Variants in STPG2 observed in about 807,000 individuals in gnomAD.
The protein encoded by STPG2 is sperm tail PG-rich repeat containing 2, also known as sperm-tail PG-rich repeat-containing protein 2.
Under a neutral mutation model 54.2 loss-of-function variants are expected in STPG2, and 56 were observed. The observed-to-expected ratio is 1.03, with a 90% CI of 0.83 to 1.29. STPG2 has a LOEUF of 1.29. Among genes scored for constraint, STPG2 ranks in the 50% most tolerant of loss-of-function variants. The pLI is 0.00. For missense variants in STPG2, 596 were observed against 544.9 expected (o/e 1.09, Z -0.93); for synonymous variants, 200 against 181.8 (o/e 1.10, Z -0.81).
At chr4:97,934,583 T>G (rs1296299485) in intron 8 of STPG2, among the ~76,000 whole-genome samples, 1 of 152,202 alleles carries the variant, frequency 6.6e-6, no homozygotes, top group Non-Finnish European at 1.5e-5. Context: ...ATGTTGAATT[T>G]TATCGAAGGC....
intron 9 of STPG2, among the ~76,000 whole-genome samples, chr4:97,830,408 C>A (rs920145837): frequency 1.3e-5 from 2 of 152,096 alleles, no homozygotes; most frequent in African/African-American, 4.8e-5. Context: ...CAGTACCAAC[C>A]ACTGCAAAAA....
intron 10 of STPG2, among the ~76,000 whole-genome samples, chr4:97,619,975 C>T: frequency 6.6e-6 from 1 of 152,126 alleles, no homozygotes; most frequent in Non-Finnish European, 1.5e-5. Flanking sequence ...AGGCACCCAC[C>T]ATCATGCCTG....
rs774952435 is a variant in STPG2 at position 97,827,939 on chromosome 4, A to C, written c.1204+12834T>G. Among the ~76,000 whole-genome samples the C allele has an allele frequency of 9.0e-4, 137 of 152,130 alleles. 2 individuals carry two copies. Among genetic ancestry groups the C allele is most frequent in the Non-Finnish European group, 8.8e-4 (60 of 68,016 alleles). ...TATCCTGGGACCTCAAGAGGAGAGG[A>C]ATTTACCTAACTTATAGGTATTTAA... On this transcript the variant is annotated intron_variant, in intron 9 of 10. Coordinates refer to ENST00000295268, the MANE Select transcript of STPG2 (RefSeq NM_174952.3).
At chr4:97,847,415 G>C (rs1250991952) in intron 8 of STPG2, among the ~76,000 whole-genome samples, 1 of 152,080 alleles carries the variant, frequency 6.6e-6, no homozygotes, top group Non-Finnish European at 1.5e-5. Context: ...AGTATTAATT[G>C]TAAGTAGTAT....
intron 9 of STPG2, among the ~76,000 whole-genome samples, chr4:97,725,722 G>T (rs1222474096): frequency 1.3e-5 from 2 of 150,966 alleles, no homozygotes; most frequent in Non-Finnish European, 3.0e-5. Flanking sequence ...TTAAAATGCT[G>T]AAAACAAATT....
In STPG2 at chr4:98,035,342, G is replaced by A. The variant is rs116727868; in HGVS notation, c.613-54024C>T. On this transcript the variant is annotated intron_variant, in intron 5 of 10. Coordinates refer to ENST00000295268, the MANE Select transcript of STPG2 (RefSeq NM_174952.3). Reference sequence around the variant, plus strand: ...ACATTTATGCGGCCAACAAACATAGGGAAAAAAAGCTCATTATCACTGGTC... The same window carrying A: ...ACATTTATGCGGCCAACAAACATAGAGAAAAAAAGCTCATTATCACTGGTC... Among the ~76,000 whole-genome samples, 794 of 151,988 alleles carry A rather than the reference G, an allele frequency of 5.2e-3. 10 individuals are homozygous for A. The highest frequency in any genetic ancestry group is 0.018 in the African/African-American group (761 of 41,446).
At chr4:98,089,844 C>A (rs1173281597) in intron 5 of STPG2, among the ~76,000 whole-genome samples, 1 of 151,458 alleles carries the variant, frequency 6.6e-6, no homozygotes, top group Non-Finnish European at 1.5e-5. Flanking sequence ...ATTTGTCTAT[C>A]TTCTTTTGAT....
At chr4:97,901,555 C>A (rs1411648272) in intron 8 of STPG2, among the ~76,000 whole-genome samples, 2 of 151,760 alleles carry the variant, frequency 1.3e-5, no homozygotes, top group Non-Finnish European at 2.9e-5. Flanking sequence ...TTGTTAAAGA[C>A]ATTAAGAAAA....
chr4:97,540,409 C>T (rs1731665757), intron 4 of STPG2, among the ~76,000 whole-genome samples: 1 of 152,128 alleles, frequency 6.6e-6, no homozygotes, highest in Non-Finnish European at 1.5e-5. Flanking sequence ...CATACACCCT[C>T]CCAAGACTAA....
intron 9 of STPG2, among the ~76,000 whole-genome samples, chr4:97,753,562 T>G (rs1488253562): frequency 6.6e-6 from 1 of 152,058 alleles, no homozygotes; most frequent in Admixed American, 6.6e-5. Flanking sequence ...TGCTTTCAAT[T>G]TTATTGGATA....
intron 10 of STPG2, among the ~76,000 whole-genome samples, chr4:97,689,785 C>T (rs1222379243): frequency 6.6e-6 from 1 of 151,986 alleles, no homozygotes; most frequent in Non-Finnish European, 1.5e-5. Context: ...GAAGTCTTAA[C>T]TTGAAAATTC....
At chr4:97,760,366 C>T (rs1181125078) in intron 9 of STPG2, among the ~76,000 whole-genome samples, 1 of 152,074 alleles carries the variant, frequency 6.6e-6, no homozygotes, top group Non-Finnish European at 1.5e-5. Context: ...GCTATAAGTA[C>T]CTTTATTCTG....
At chr4:97,510,913 C>T (rs1294334144) in intron 4 of STPG2, among the ~76,000 whole-genome samples, 2 of 152,052 alleles carry the variant, frequency 1.3e-5, no homozygotes, top group African/African-American at 2.4e-5. Flanking sequence ...GGCTGTACAT[C>T]GCTGTGATAA....
At chr4:97,510,699 A>T (rs565959500) in intron 4 of STPG2, among the ~76,000 whole-genome samples, 92 of 152,246 alleles carry the variant, frequency 6.0e-4, no homozygotes, top group African/African-American at 2.1e-3. Context: ...CACACAACCT[A>T]GATCCCTCAC....
intron 7 of STPG2, among the ~76,000 whole-genome samples, chr4:97,953,623 A>T (rs1272814231): frequency 6.6e-6 from 1 of 152,178 alleles, no homozygotes; most frequent in African/African-American, 2.4e-5. Flanking sequence ...CTCTTCCCAC[A>T]CTGCTCCTAC....
intron 9 of STPG2, among the ~76,000 whole-genome samples, chr4:97,819,478 T>C (rs993752987): frequency 5.9e-5 from 9 of 152,128 alleles, no homozygotes; most frequent in African/African-American, 1.7e-4. Flanking sequence ...GGGAATGTGA[T>C]ACGGAAATCA....
intron 8 of STPG2, among the ~76,000 whole-genome samples, chr4:97,883,569 A>G (rs973507934): frequency 4.0e-5 from 6 of 151,378 alleles, no homozygotes; most frequent in African/African-American, 1.5e-4. Context: ...ATGAAATTAT[A>G]AACAAAACAA....
intron 8 of STPG2, among the ~76,000 whole-genome samples, chr4:97,885,117 T>G (rs1281878260): frequency 1.3e-5 from 2 of 152,134 alleles, no homozygotes; most frequent in African/African-American, 4.8e-5. Context: ...AACATAGAAA[T>G]TAGAGCTTAT....
At chr4:97,929,382 G>T (rs1195045534) in intron 8 of STPG2, among the ~76,000 whole-genome samples, 1 of 152,048 alleles carries the variant, frequency 6.6e-6, no homozygotes, top group Non-Finnish European at 1.5e-5. Flanking sequence ...ATTCCTTTGG[G>T]AATATACCCA....
Sources: allele counts gnomAD v4.1 joint callset (sites outside exome capture counted in the v4.1 genomes callset), GRCh38; gene constraint gnomAD v4.1.1; transcripts MANE v1.5; gene names NCBI Gene and HGNC (gene_info 2026-07-23, HGNC 2026-07-21).